The following CTNNA2 variants were observed in gnomAD, a reference collection of about 807,000 sequenced individuals.
CTNNA2 encodes the protein catenin alpha-2.
In CTNNA2, 42 loss-of-function variants were observed where a neutral mutation model predicts 101.0. The ratio of observed to expected loss-of-function variants is 0.42; its 90% confidence interval spans 0.32 to 0.54. The LOEUF is 0.54. CTNNA2 is among the 20% of genes least tolerant of loss of function. The pLI is 0.14. For missense variants in CTNNA2, 871 were observed against 1,223.1 expected, an observed-to-expected ratio of 0.71 and a Z score of 4.29; for synonymous variants, 450 against 456.4, an observed-to-expected ratio of 0.99 and a Z score of 0.18.
At chr2:79,835,448 T>A (rs1212681215) in intron 3 of CTNNA2, among the ~76,000 whole-genome samples, 2 of 152,106 alleles carry the variant, frequency 1.3e-5, no homozygotes, top group East Asian at 3.9e-4. Flanking sequence ...GAGTGACATA[T>A]GAGAGTAAGC....
intron 2 of CTNNA2, among the ~76,000 whole-genome samples, 194 bp downstream of exon 2, chr2:79,651,852 T>C (rs1180134649): frequency 3.9e-5 from 6 of 152,138 alleles, no homozygotes; most frequent in Non-Finnish European, 1.5e-5. Flanking sequence ...TAAAAACTAT[T>C]TGTATGATTT....
At chr2:79,542,077 T>C (rs1673460349) in intron 1 of CTNNA2, among the ~76,000 whole-genome samples, 1 of 152,288 alleles carries the variant, frequency 6.6e-6, no homozygotes, top group Middle Eastern at 3.4e-3. Context: ...CTAGGCTTTA[T>C]ACTTCTGCAA....
In CTNNA2 at chr2:79,362,099, T is replaced by C. The variant is rs183256235; in HGVS notation, c.-317-11732T>C. Among the ~76,000 whole-genome samples, 256 of 152,312 alleles carry C rather than the reference T, an allele frequency of 1.7e-3. 3 individuals are homozygous for C. In the East Asian group the frequency reaches 0.033, roughly 19 times the overall value. On this transcript the variant is annotated intron_variant, in intron 3 of 21. Transcript: ENST00000466387. ...CATGGTGGTCAGCAAATGTCCCATC[T>C]GGAGCTTATTCAAGCCTCTCCAATT...
intron 7 of CTNNA2, among the ~76,000 whole-genome samples, chr2:80,336,550 T>A (rs576176561): frequency 6.6e-6 from 1 of 152,246 alleles, no homozygotes; most frequent in Non-Finnish European, 1.5e-5. Context: ...TTTGCTTATC[T>A]TTTTAGGTAA....
chr2:79,882,458 G>T (rs954895080), intron 6 of CTNNA2, among the ~76,000 whole-genome samples: 3 of 152,212 alleles, frequency 2.0e-5, no homozygotes, highest in African/African-American at 7.2e-5. Flanking sequence ...GGATGGATGG[G>T]TCAGGCTCAG....
intron 4 of CTNNA2, among the ~76,000 whole-genome samples, chr2:79,421,429 A>T (rs1031914644): frequency 6.6e-6 from 1 of 152,194 alleles, no homozygotes; most frequent in African/African-American, 2.4e-5. Context: ...AAAAAATACC[A>T]TTCATATCCT....
rs184911914 is a variant in CTNNA2, at chr2:80,092,651, A to G, written c.1056+182854A>G. On this transcript the variant is annotated intron_variant, in intron 7 of 18. Transcript: ENST00000402739. Reference sequence around the variant, plus strand: ...ACCCTGCTAACCTTTCCAGGAAGACAAGATCATTGCCATGGTTACAAACTG... The same window carrying G: ...ACCCTGCTAACCTTTCCAGGAAGACGAGATCATTGCCATGGTTACAAACTG... 5.9e-5 allele frequency among the ~76,000 whole-genome samples: 9 copies of G among 152,214 alleles called. No homozygotes were observed. In the East Asian group the frequency reaches 1.7e-3, roughly 29 times the overall value.
intron 7 of CTNNA2, among the ~76,000 whole-genome samples, chr2:80,246,564 C>T (rs1490845589): frequency 6.6e-6 from 1 of 152,128 alleles, no homozygotes; most frequent in Admixed American, 6.5e-5. Flanking sequence ...TCAGTAGTTG[C>T]GCTCAAATGA....
At chr2:79,346,154 C>T (rs1677259779) in intron 3 of CTNNA2, among the ~76,000 whole-genome samples, 1 of 152,160 alleles carries the variant, frequency 6.6e-6, no homozygotes, top group African/African-American at 2.4e-5. Context: ...TGATTAAATA[C>T]AGAAAACATT....
At chr2:79,645,637 G>C (rs1189852635) in intron 1 of CTNNA2, among the ~76,000 whole-genome samples, 3 of 152,130 alleles carry the variant, frequency 2.0e-5, no homozygotes, top group Non-Finnish European at 4.4e-5. Flanking sequence ...GAGATTTCCA[G>C]TGGCATCCCT....
chr2:79,979,943 A>G lies in CTNNA2; in HGVS notation c.1056+70146A>G, dbSNP rs189937924. 5.1e-4 allele frequency among the ~76,000 whole-genome samples: 77 copies of G among 152,282 alleles called. 1 individual carries two copies. Among genetic ancestry groups the G allele is most frequent in the African/African-American group, 1.7e-3 (72 of 41,574 alleles). ...TGAGACATTGAAGCAGACATGAAAT[A>G]TAACCTGAGACTTTGTGTTCTCATC... On this transcript the variant is annotated intron_variant, in intron 7 of 18. Transcript: ENST00000402739.
chr2:80,499,400 G>A (rs1573047194), intron 9 of CTNNA2, among the ~76,000 whole-genome samples: 1 of 152,086 alleles, frequency 6.6e-6, no homozygotes, highest in East Asian at 1.9e-4. Context: ...ATTTTCATGG[G>A]AATGAGTTTA....
At chr2:79,864,098 G>A (rs555407271) in intron 4 of CTNNA2, among the ~76,000 whole-genome samples, 64 of 152,308 alleles carry the variant, frequency 4.2e-4, no homozygotes, top group Middle Eastern at 3.4e-3. Context: ...TGGGAAAGGA[G>A]TAATATTTCA....
intron 9 of CTNNA2, among the ~76,000 whole-genome samples, chr2:80,469,678 T>C (rs970563890): frequency 5.9e-5 from 9 of 152,318 alleles, no homozygotes; most frequent in South Asian, 2.1e-4. Context: ...TTAGTATGTC[T>C]GTCTGTTGGA....
chr2:79,947,135 A>G (rs1319928931), intron 7 of CTNNA2, among the ~76,000 whole-genome samples: 3 of 152,230 alleles, frequency 2.0e-5, no homozygotes, highest in Non-Finnish European at 4.4e-5. Flanking sequence ...GATAACTTTC[A>G]AAATTCTGGG....
chr2:79,646,153 C>T (rs1260400544), intron 1 of CTNNA2, among the ~76,000 whole-genome samples: 1 of 152,170 alleles, frequency 6.6e-6, no homozygotes, highest in Non-Finnish European at 1.5e-5. Context: ...GCAGAGAATT[C>T]CAAAGACATT....
At chr2:79,558,048 A>G (rs1026823613) in intron 1 of CTNNA2, among the ~76,000 whole-genome samples, 13 of 151,986 alleles carry the variant, frequency 8.6e-5, no homozygotes, top group African/African-American at 2.9e-4. Context: ...GTTCACAAAG[A>G]GACACTTCCA....
intron 9 of CTNNA2, among the ~76,000 whole-genome samples, chr2:80,425,475 C>G (rs2149416411): frequency 6.6e-6 from 1 of 152,222 alleles, no homozygotes; most frequent in East Asian, 1.9e-4. Flanking sequence ...TCCTACAATT[C>G]CCTCACTTAA....
intron 7 of CTNNA2, among the ~76,000 whole-genome samples, chr2:80,227,452 G>T (rs1301083812): frequency 2.0e-5 from 3 of 152,184 alleles, no homozygotes; most frequent in Non-Finnish European, 4.4e-5. Context: ...AGGGTCTTTT[G>T]TCTCACGTTA....
Sources: allele counts gnomAD v4.1 joint callset (sites outside exome capture counted in the v4.1 genomes callset), GRCh38; gene constraint gnomAD v4.1.1; transcripts MANE v1.5; gene names NCBI Gene and HGNC (gene_info 2026-07-23, HGNC 2026-07-21).